The following GALNTL6 variants were observed in gnomAD, a reference collection of about 807,000 sequenced individuals.
GALNTL6 encodes polypeptide N-acetylgalactosaminyltransferase like 6, also known as polypeptide N-acetylgalactosaminyltransferase-like 6.
A neutral mutation model predicts 73.7 loss-of-function variants in GALNTL6; 46 were observed. The ratio of observed to expected loss-of-function variants is 0.62; its 90% CI spans 0.49 to 0.80. The LOEUF is 0.80. Among genes scored for constraint, GALNTL6 ranks in the 30% least tolerant of loss-of-function variants. The pLI, the probability that GALNTL6 is intolerant of heterozygous loss-of-function variation, is 0.00. For synonymous variants in GALNTL6, 259 were observed against 263.7 expected (o/e 0.98, Z 0.17); for missense variants, 604 against 755.0 (o/e 0.80, Z 2.34).
chr4:172,777,175 A>T (rs1459734898), intron 5 of GALNTL6, among the ~76,000 whole-genome samples: 1 of 152,238 alleles, frequency 6.6e-6, no homozygotes, highest in South Asian at 2.1e-4. Context: ...TCAATAAATA[A>T]TTTTTTTAAA....
At chr4:172,081,287 TA>T (rs1177577028) in intron 2 of GALNTL6, among the ~76,000 whole-genome samples, 2 of 152,198 alleles carry the variant, frequency 1.3e-5, no homozygotes, top group Non-Finnish European at 2.9e-5. Flanking sequence ...ACTTCCAAAA[TA>T]ACTGGAATAA....
intron 5 of GALNTL6, among the ~76,000 whole-genome samples, chr4:172,726,084 C>T (rs1735781130): frequency 6.7e-6 from 1 of 149,512 alleles, no homozygotes; most frequent in Non-Finnish European, 1.5e-5. Context: ...TAAACGTACA[C>T]TGACACACAG....
chr4:172,807,524 G>C (rs1741034380), intron 5 of GALNTL6, among the ~76,000 whole-genome samples: 1 of 152,130 alleles, frequency 6.6e-6, no homozygotes, highest in African/African-American at 2.4e-5. Flanking sequence ...TCTCACTCAA[G>C]CCTAATTCAA....
intron 2 of GALNTL6, among the ~76,000 whole-genome samples, chr4:171,915,473 T>G (rs1737590919): frequency 6.6e-6 from 1 of 152,166 alleles, no homozygotes. Context: ...GTGATAGTGA[T>G]TCTAAATAAA....
chr4:172,118,884 G>A (rs1333164102), intron 2 of GALNTL6, among the ~76,000 whole-genome samples: 1 of 151,572 alleles, frequency 6.6e-6, no homozygotes, highest in African/African-American at 2.4e-5. Flanking sequence ...AATAGACAAT[G>A]CTTCTAGCTT....
chr4:172,172,269 C>T (rs776600817), intron 2 of GALNTL6, among the ~76,000 whole-genome samples: 1 of 152,162 alleles, frequency 6.6e-6, no homozygotes, highest in Non-Finnish European at 1.5e-5. Context: ...GCGATCTCGG[C>T]TCACTGCAAC....
At chr4:172,121,236 G>A (rs886904905) in intron 2 of GALNTL6, among the ~76,000 whole-genome samples, 2 of 149,112 alleles carry the variant, frequency 1.3e-5, no homozygotes, top group African/African-American at 4.9e-5. Flanking sequence ...GCAGTTGCTT[G>A]GCAGATGTTC....
chr4:172,329,258 A>C (rs1373685254), intron 4 of GALNTL6, among the ~76,000 whole-genome samples: 2 of 152,214 alleles, frequency 1.3e-5, no homozygotes, highest in Non-Finnish European at 2.9e-5. Flanking sequence ...GCTCTGTCCC[A>C]GAGAGTTGCA....
intron 2 of GALNTL6, among the ~76,000 whole-genome samples, chr4:172,213,987 C>G (rs1177045061): frequency 6.6e-6 from 1 of 152,072 alleles, no homozygotes; most frequent in African/African-American, 2.4e-5. Context: ...AAATTTATGT[C>G]TAGATGTTGA....
chr4:171,866,027 A>G (rs1735961707), intron 2 of GALNTL6, among the ~76,000 whole-genome samples: 1 of 152,194 alleles, frequency 6.6e-6, no homozygotes, highest in Non-Finnish European at 1.5e-5. Context: ...CTGTTTTCCC[A>G]AACTCCCACT....
At chr4:172,278,942 G>T (rs1412245637) in intron 3 of GALNTL6, among the ~76,000 whole-genome samples, 1 of 152,084 alleles carries the variant, frequency 6.6e-6, no homozygotes, top group African/African-American at 2.4e-5. Context: ...TTTTCAACAA[G>T]GGTGCCAAGA....
chr4:172,362,494 C>A (rs1190455677), intron 5 of GALNTL6, among the ~76,000 whole-genome samples: 1 of 152,056 alleles, frequency 6.6e-6, no homozygotes, highest in Non-Finnish European at 1.5e-5. Flanking sequence ...CCTCTATGGG[C>A]TTTTCCTTGG....
At chr4:172,025,285 T>C (rs911974997) in intron 2 of GALNTL6, among the ~76,000 whole-genome samples, 5 of 152,030 alleles carry the variant, frequency 3.3e-5, no homozygotes, top group Admixed American at 1.3e-4. Context: ...TTCATTAAAA[T>C]GGACTGTCAT....
At chr4:172,419,688 G>A (rs1033781693) in intron 5 of GALNTL6, among the ~76,000 whole-genome samples, 1 of 152,112 alleles carries the variant, frequency 6.6e-6, no homozygotes, top group African/African-American at 2.4e-5. Context: ...CATTTTAATA[G>A]ATGTAATTCT....
intron 5 of GALNTL6, among the ~76,000 whole-genome samples, chr4:172,424,186 C>T (rs1269005741): frequency 1.3e-5 from 2 of 152,062 alleles, no homozygotes; most frequent in African/African-American, 4.8e-5. Flanking sequence ...CAACTATGCA[C>T]TGAATTTTAA....
intron 5 of GALNTL6, among the ~76,000 whole-genome samples, chr4:172,665,097 C>T (rs929145917): frequency 1.3e-5 from 2 of 152,148 alleles, no homozygotes; most frequent in African/African-American, 4.8e-5. Flanking sequence ...AGCTCTCATC[C>T]CAGAATAACA....
At chr4:171,904,472 C>T (rs1318776869) in intron 2 of GALNTL6, among the ~76,000 whole-genome samples, 1 of 152,154 alleles carries the variant, frequency 6.6e-6, no homozygotes, top group Non-Finnish European at 1.5e-5. Flanking sequence ...CGAGTAAAGC[C>T]TCCAAGAAAT....
At chr4:172,273,126 A>G (rs1409943931) in intron 3 of GALNTL6, among the ~76,000 whole-genome samples, 2 of 152,226 alleles carry the variant, frequency 1.3e-5, no homozygotes, top group Admixed American at 6.6e-5. Flanking sequence ...ATAATTATCT[A>G]AGGCAATAGC....
At chr4:172,359,841 C>T (rs770674782) in intron 5 of GALNTL6, among the ~76,000 whole-genome samples, 42 of 152,174 alleles carry the variant, frequency 2.8e-4, no homozygotes, top group Non-Finnish European at 3.8e-4. Flanking sequence ...AAAGGTGAGA[C>T]ATGCATGATG....
Sources: gnomAD v4.1 joint callset for allele counts (sites outside exome capture counted in the v4.1 genomes callset) on GRCh38, gnomAD v4.1.1 for gene constraint, MANE v1.5 for transcripts, NCBI Gene and HGNC (gene_info 2026-07-23, HGNC 2026-07-21) for gene names.